Variants in CNST observed in about 807,000 individuals in gnomAD.
The protein encoded by CNST is consortin, connexin sorting protein.
Under a neutral mutation model 72.4 loss-of-function variants are expected in CNST, and 39 were observed. The ratio of observed to expected loss-of-function variants is 0.54; its 90% CI spans 0.42 to 0.70. The LOEUF (loss-of-function observed/expected upper bound fraction) is 0.70. Ranked by LOEUF, CNST falls within the 30% of genes least tolerant of loss-of-function variation. The pLI is 0.00. For missense variants in CNST, 871 were observed against 868.5 expected (o/e 1.00, Z -0.04); for synonymous variants, 332 against 320.1 (o/e 1.04, Z -0.40).
rs140698993 is a variant in CNST at position 246,659,290 on chromosome 1, A to G, written c.1837-909A>G. Among the ~76,000 whole-genome samples, 807 of 152,304 alleles carry G rather than the reference A, an allele frequency of 5.3e-3. 4 individuals carry two copies. The highest frequency in any genetic ancestry group is 9.7e-3 in the South Asian group (47 of 4,824). ...TGGGCCATAGTTTGCCAACCTCTGC[A>G]TACTAGAAAGTAATATGTCCCAGGC... On this transcript the variant is annotated intron_variant, in intron 9 of 10. Coordinates refer to ENST00000366513, the MANE Select transcript of CNST (RefSeq NM_152609.3).
intron 3 of CNST, among the ~76,000 whole-genome samples, chr1:246,628,457 CCAAT>C (rs1479065771): frequency 6.6e-6 from 1 of 152,050 alleles, no homozygotes; most frequent in Middle Eastern, 3.2e-3. Flanking sequence ...GTGCTAAAGG[CCAAT>C]GGAAATACGA....
chr1:246,568,413 T>G (rs1419192052), intron 1 of CNST, among the ~76,000 whole-genome samples: 1 of 152,222 alleles, frequency 6.6e-6, no homozygotes, highest in Non-Finnish European at 1.5e-5. Context: ...TAAGAGATTT[T>G]TGTACATCTT....
At chr1:246,661,055 C>T (rs1250582972) in intron 10 of CNST, among the ~76,000 whole-genome samples, 1 of 152,064 alleles carries the variant, frequency 6.6e-6, no homozygotes, top group Non-Finnish European at 1.5e-5. Context: ...CCTCAACCTC[C>T]ACCTCCCAGG....
intron 1 of CNST, among the ~76,000 whole-genome samples, chr1:246,568,410 T>C (rs764175347): frequency 2.0e-5 from 3 of 152,156 alleles, no homozygotes; most frequent in Admixed American, 6.5e-5. Flanking sequence ...TAATAAGAGA[T>C]TTTTGTACAT....
chr1:246,656,929 C>CA (rs200826472), intron 9 of CNST, among the ~76,000 whole-genome samples: 213 of 151,786 alleles, frequency 1.4e-3, no homozygotes, highest in African/African-American at 4.7e-3. Context: ...GACCCTCTCT[C>CA]AAAAAAAACA....
At chr1:246,660,734 A>G (rs1488284843) in intron 10 of CNST, among the ~76,000 whole-genome samples, 1 of 152,216 alleles carries the variant, frequency 6.6e-6, no homozygotes, top group African/African-American at 2.4e-5. Flanking sequence ...AAAAATAAAT[A>G]TAAATAAGTA....
rs908389240 is a variant in CNST at position 246,652,861 on chromosome 1, G to A, written c.1836+4824G>A. On this transcript the variant is annotated intron_variant, in intron 9 of 10. Coordinates refer to ENST00000366513, the MANE Select transcript of CNST (RefSeq NM_152609.3). The stretch of plus-strand genomic sequence containing the variant: ...CTACTAAAAATACAAAAAACTAGCC[G>A]GGCGTGGTGGCGGGCGCCTGTAGTC... Among the ~76,000 whole-genome samples the A allele has an allele frequency of 1.1e-3, 164 of 150,562 alleles. 1 individual carries two copies. The highest frequency in any genetic ancestry group is 3.5e-3 in the African/African-American group (144 of 40,728).
At chr1:246,663,711 G>T (rs1667235638) in intron 10 of CNST, among the ~76,000 whole-genome samples, 1 of 151,940 alleles carries the variant, frequency 6.6e-6, no homozygotes, top group South Asian at 2.1e-4. Flanking sequence ...TTGCACTCTA[G>T]CCTGGGCAAC....
chr1:246,644,216 G>A lies in CNST; in HGVS notation c.937+2179G>A, dbSNP rs552016542. ...GAGATCGAGACCACAGTGAAACCCC[G>A]TCTCTACTAAAAATACAAAAAAATT... On this transcript the variant is annotated intron_variant, in intron 8 of 10. Coordinates refer to ENST00000366513, the MANE Select transcript of CNST (RefSeq NM_152609.3). 6.6e-5 allele frequency among the ~76,000 whole-genome samples: 10 copies of A among 152,014 alleles called. No individual in the cohort carries two copies. The South Asian group carries it at 8.3e-4, about 13-fold the overall frequency.
At position 246,647,264 on chromosome 1, in the gene CNST, G is replaced by A; in HGVS notation, c.1063G>A (p.Ala355Thr). ...AGATTCCCCAAGCCTTTCGGTAACT[G>A]CAGGAAAGGACCACATGGAGGAGCT... The part of the protein sequence containing the change: ...QTDSPSLSVT[A>T]GKDHMEELLC... Residue 355 changes from alanine to threonine, a missense_variant, in exon 9 of 11, where the codon GCA (alanine) becomes ACA (threonine). Coordinates refer to ENST00000366513, the MANE Select transcript of CNST (RefSeq NM_152609.3). 1 of 1,614,160 alleles carries A rather than the reference G, an allele frequency of 6.2e-7. No homozygotes were observed. The highest frequency in any genetic ancestry group is 8.5e-7 in the Non-Finnish European group (1 of 1,180,036).
intron 1 of CNST, among the ~76,000 whole-genome samples, chr1:246,574,417 C>A (rs1167231599): frequency 4.6e-5 from 7 of 152,040 alleles, no homozygotes; most frequent in Non-Finnish European, 1.0e-4. Flanking sequence ...CGTGTTTTTT[C>A]TTTTTCTTTA....
At chr1:246,617,280 T>C (rs1379209744) in intron 2 of CNST, among the ~76,000 whole-genome samples, 1 of 152,250 alleles carries the variant, frequency 6.6e-6, no homozygotes, top group African/African-American at 2.4e-5. Flanking sequence ...ACCTACAGTA[T>C]TGGTGAATAA....
Position 246,620,254 on chromosome 1 carries a change from A to C in CNST, c.380-1175A>C, listed in dbSNP as rs112865065. Among the ~76,000 whole-genome samples, 5 of 12,206 alleles carry C rather than the reference A, an allele frequency of 4.1e-4. 1 individual carries two copies. Among genetic ancestry groups the C allele is most frequent in the Admixed American group, 1.4e-3 (1 of 720 alleles). The allele number at this position is 12,206 out of a possible 152,430, so 8.0% of individuals were successfully genotyped here. On this transcript the variant is annotated intron_variant, in intron 2 of 10. Coordinates refer to ENST00000366513, the MANE Select transcript of CNST (RefSeq NM_152609.3). The stretch of plus-strand genomic sequence containing the variant: ...GTGCATACACACGATGGGCTCTGGG[A>C]ACACTCTACAGGGAGGACGGCTTCA...
chr1:246,651,504 A>G (rs12126135), intron 9 of CNST, among the ~76,000 whole-genome samples: 26,700 of 152,102 alleles, frequency 0.18, 4,072 homozygotes, highest in African/African-American at 0.42. Flanking sequence ...GGTTTTGATC[A>G]TCATTGCCAG....
intron 2 of CNST, among the ~76,000 whole-genome samples, chr1:246,605,025 T>A (rs891390851): frequency 1.3e-5 from 2 of 152,212 alleles, no homozygotes; most frequent in East Asian, 1.9e-4. Flanking sequence ...AAACAAAATA[T>A]GTTTATTTTC....
chr1:246,567,876 A>G (rs921538653), intron 1 of CNST, among the ~76,000 whole-genome samples: 2 of 152,200 alleles, frequency 1.3e-5, no homozygotes, highest in Non-Finnish European at 2.9e-5. Context: ...ACATTTTCAT[A>G]GATTCAGAAA....
intron 1 of CNST, among the ~76,000 whole-genome samples, chr1:246,578,150 A>C (rs1660549733): frequency 6.6e-6 from 1 of 152,128 alleles, no homozygotes. Context: ...TTGTAAAAGA[A>C]GTAATGGGCA....
In CNST at chr1:246,666,914, C is replaced by G. The variant is rs561490110; in HGVS notation, c.*1009C>G. 3.3e-5 allele frequency: 5 copies of G among 152,272 alleles called. No homozygotes were observed. The highest frequency in any genetic ancestry group is 9.6e-5 in the African/African-American group (4 of 41,556). 9.4% of individuals were successfully genotyped at this position (152,272 alleles called of 1,614,324 possible). ...ATCACCATATAGAATTCAGTATTAA[C>G]AGATCATGCATTCAGATGCTTGAAT... is the stretch of plus-strand genomic sequence containing the variant. On this transcript the variant is annotated 3_prime_UTR_variant, in exon 11 of 11. Coordinates refer to ENST00000366513, the MANE Select transcript of CNST (RefSeq NM_152609.3).
rs774092652 is a variant in CNST, at chr1:246,660,345, T to A, written c.1972+11T>A. On this transcript the variant is annotated intron_variant, in intron 10 of 10. Coordinates refer to ENST00000366513, the MANE Select transcript of CNST (RefSeq NM_152609.3). ...ATAGCTTGGATCAAGGTAAACCGCTTGGCACTGTGGCTAGCAGGATAGATG... is the reference window on the plus strand; with the variant it reads ...ATAGCTTGGATCAAGGTAAACCGCTAGGCACTGTGGCTAGCAGGATAGATG... The A allele has an allele frequency of 6.2e-7, 1 of 1,609,610 alleles. No individual in the cohort carries two copies. Among genetic ancestry groups the A allele is most frequent in the East Asian group, 2.2e-5 (1 of 44,868 alleles).
Sources: gnomAD v4.1 joint callset for allele counts (sites outside exome capture counted in the v4.1 genomes callset) on GRCh38, gnomAD v4.1.1 for gene constraint, MANE v1.5 for transcripts, NCBI Gene and HGNC (gene_info 2026-07-23, HGNC 2026-07-21) for gene names.